PCDHB13: variants seen among roughly 807,000 people sequenced by gnomAD.
PCDHB13 encodes the protein protocadherin beta 13, also known as protocadherin beta-13.
For synonymous variants in PCDHB13, 515 were observed against 450.7 expected (o/e 1.14, Z -1.81); for missense variants, 1,065 against 1,016.7 (o/e 1.05, Z -0.65).
In PCDHB13 at chr5:141,214,366, G is replaced by A. The variant is rs1754524226; in HGVS notation, c.243G>A (p.Glu81=). 7.2e-7 allele frequency: 1 copy of A among 1,390,412 alleles called. No homozygotes were observed. Among genetic ancestry groups the A allele is most frequent in the South Asian group, 1.2e-5 (1 of 83,966 alleles). The allele number at this position is 1,390,412 out of a possible 1,614,324, so 86.1% of individuals were successfully genotyped here. A position where few individuals can be genotyped will look rare whatever the true frequency, so the allele number is the denominator to read the frequency against. The change falls in exon 1 of 1, where the codon GAG becomes GAA. Residue 81 remains glutamate (E), a synonymous_variant. Transcript: ENST00000341948. The stretch of plus-strand genomic sequence containing the variant: ...AACTACATTTGCAGCTCAATCAGGA[G>A]ACCGCGGATTTGTTGCTAAATGAGA... The part of the protein sequence containing the change: ...GNKLHLQLNQ[E]TADLLLNEKL...
At position 141,215,261 on chromosome 5, in the gene PCDHB13, G is replaced by T; in HGVS notation, c.1138G>T (p.Gly380Trp). ...SVSDLDSGEN[G>W]KISCSIQEDL... ...TTCAGATCTTGATTCAGGAGAAAAT[G>T]GGAAAATTAGTTGCTCCATTCAGGA... Residue 380 changes from glycine (G) to tryptophan (W), a missense_variant, in exon 1 of 1, where the codon GGG (glycine) becomes TGG (tryptophan). Coordinates refer to ENST00000341948, the MANE Select transcript of PCDHB13 (RefSeq NM_018933.4). 6.2e-7 allele frequency: 1 copy of T among 1,614,080 alleles called. No homozygotes were observed. The highest frequency in any genetic ancestry group is 1.1e-5 in the South Asian group (1 of 91,076).
chr5:141,215,527 G>A lies in PCDHB13; in HGVS notation c.1404G>A (p.Leu468=), dbSNP rs1754575503. 1 of 1,613,774 alleles carries A rather than the reference G, an allele frequency of 6.2e-7. No individual in the cohort carries two copies. ...LFVRENNSPA[L]HIRSVSATDR... ...TCCGCGAGAACAACAGCCCCGCCCT[G>A]CACATCCGCAGCGTCAGCGCTACAG... Residue 468 remains leucine (L), a synonymous_variant, in exon 1 of 1, where the codon CTG becomes CTA. Transcript: ENST00000341948.
Position 141,215,722 on chromosome 5 carries a change from T to C in PCDHB13, c.1599T>C (p.Ala533=), listed in dbSNP as rs147956420. 9,931 of 1,612,452 alleles carry C rather than the reference T, an allele frequency of 6.2e-3. 85 individuals are homozygous for C. The highest frequency in any genetic ancestry group is 0.027 in the South Asian group (2,497 of 90,996). The change falls in exon 1 of 1, where the codon GCT becomes GCC. Residue 533 remains alanine (A), a synonymous_variant. Coordinates refer to ENST00000341948, the MANE Select transcript of PCDHB13 (RefSeq NM_018933.4). ...AGGGGTTCCAGTTCCGCGTGGGCGC[T>C]TCAGACCACGGCTCCCCGGCGCTGA... The part of the protein sequence containing the change: ...ALQGFQFRVG[A]SDHGSPALSS...
Position 141,215,789 on chromosome 5 carries a change from G to T in PCDHB13, c.1666G>T (p.Asp556Tyr). ...GCGCGTGGTGGTGCTGGACGCCAAC[G>T]ACAACTCGCCCTTCGTGCTGTACCC... ...LVRVVVLDAN[D>Y]NSPFVLYPLQ... The change falls in exon 1 of 1, where the codon GAC (aspartate) becomes TAC (tyrosine). Residue 556 changes from aspartate (D) to tyrosine (Y), a missense_variant. Transcript: ENST00000341948. 1 of 1,611,662 alleles carries T rather than the reference G, an allele frequency of 6.2e-7. No homozygotes were observed. Among genetic ancestry groups the T allele is most frequent in the Non-Finnish European group, 8.5e-7 (1 of 1,179,694 alleles).
At position 141,215,589 on chromosome 5, in the gene PCDHB13, C is replaced by G. The variant is rs782771572; in HGVS notation, c.1466C>G (p.Ser489Trp). ...GGCACCAACGCCCAGGTCACCTACT[C>G]GCTGCTGCCGCCCCAGGACCCGCAC... ...DSGTNAQVTYSLLPPQDPHLP... is the reference protein window; with the variant it reads ...DSGTNAQVTYWLLPPQDPHLP... Residue 489 changes from serine (S) to tryptophan (W), a missense_variant, in exon 1 of 1, where the codon TCG becomes TGG. Transcript: ENST00000341948. The G allele has an allele frequency of 2.5e-6, 4 of 1,613,444 alleles. No homozygotes were observed. The highest frequency in any genetic ancestry group is 1.1e-5 in the South Asian group (1 of 91,050).
Position 141,216,818 on chromosome 5 carries a change from T to A in PCDHB13, c.*298T>A, listed in dbSNP as rs1445849001. 5 of 421,354 alleles carry A rather than the reference T, an allele frequency of 1.2e-5. No individual in the cohort carries two copies. Among genetic ancestry groups the A allele is most frequent in the Admixed American group, 4.2e-5 (1 of 23,788 alleles). 26.1% of individuals were successfully genotyped at this position (421,354 alleles called of 1,614,324 possible). On this transcript the variant is annotated 3_prime_UTR_variant, in exon 1 of 1. Coordinates refer to ENST00000341948, the MANE Select transcript of PCDHB13 (RefSeq NM_018933.4). Reference sequence around the variant, plus strand: ...TTTAGCTGAACTTCACCCACTATTATGCTTATGGTAAAATTAAATAGAGCA... The same window carrying A: ...TTTAGCTGAACTTCACCCACTATTAAGCTTATGGTAAAATTAAATAGAGCA...
chr5:141,215,416 G>A lies in PCDHB13; in HGVS notation c.1293G>A (p.Leu431=), dbSNP rs199921823. The part of the protein sequence containing the change: ...ITVTDLGTPM[L]ITQLNMTVLI... ...TCACTGACTTGGGGACCCCTATGCT[G>A]ATAACACAGCTCAATATGACCGTGC... is the stretch of plus-strand genomic sequence containing the variant. The change falls in exon 1 of 1, where the codon CTG becomes CTA. Residue 431 remains leucine, a synonymous_variant. Coordinates refer to ENST00000341948, the MANE Select transcript of PCDHB13 (RefSeq NM_018933.4). 6 of 1,614,160 alleles carry A rather than the reference G, an allele frequency of 3.7e-6. No homozygotes were observed. Among genetic ancestry groups the A allele is most frequent in the Non-Finnish European group, 5.1e-6 (6 of 1,180,038 alleles).
At position 141,215,201 on chromosome 5, in the gene PCDHB13, A is replaced by T; in HGVS notation, c.1078A>T (p.Asn360Tyr). Reference protein sequence around the residue: ...MSAFTSPIPENAPETVVALFS... With the variant: ...MSAFTSPIPEYAPETVVALFS... ...TGCATTTACCAGCCCAATACCTGAGAACGCGCCTGAAACTGTGGTTGCACT... is the reference window on the plus strand; with the variant it reads ...TGCATTTACCAGCCCAATACCTGAGTACGCGCCTGAAACTGTGGTTGCACT... Residue 360 changes from asparagine to tyrosine, a missense_variant, in exon 1 of 1, where the codon AAC (asparagine) becomes TAC (tyrosine). Coordinates refer to ENST00000341948, the MANE Select transcript of PCDHB13 (RefSeq NM_018933.4). 3 of 1,614,116 alleles carry T rather than the reference A, an allele frequency of 1.9e-6. No homozygotes were observed. The highest frequency in any genetic ancestry group is 1.3e-5 in the African/African-American group (1 of 75,010).
rs1488105597 is a variant in PCDHB13 at position 141,217,315 on chromosome 5, C to T, written c.*795C>T. The T allele has an allele frequency of 1.2e-5, 2 of 166,836 alleles. No homozygotes were observed. Among genetic ancestry groups the T allele is most frequent in the African/African-American group, 2.4e-5 (1 of 41,302 alleles). The allele number at this position is 166,836 out of a possible 1,614,324, so 10.3% of individuals were successfully genotyped here. ...TATCATATAATTTAATGTATATACA[C>T]CAGAAACTATTTTTCAAACTTTTTT... On this transcript the variant is annotated 3_prime_UTR_variant, in exon 1 of 1. Transcript: ENST00000341948.
Position 141,214,369 on chromosome 5 carries a change from C to T in PCDHB13, c.246C>T (p.Thr82=), listed in dbSNP as rs782767941. The T allele has an allele frequency of 2.8e-5, 39 of 1,387,268 alleles. No individual in the cohort carries two copies. The South Asian group carries it at 3.9e-4, about 14-fold the overall frequency. The allele number at this position is 1,387,268 out of a possible 1,614,324, so 85.9% of individuals were successfully genotyped here. The change falls in exon 1 of 1, where the codon ACC becomes ACT. Residue 82 remains threonine (T), a synonymous_variant. Transcript: ENST00000341948. ...NKLHLQLNQE[T]ADLLLNEKLD... is the part of the protein sequence containing the mutation. ...TACATTTGCAGCTCAATCAGGAGAC[C>T]GCGGATTTGTTGCTAAATGAGAAAT...
rs782023497 is a variant in PCDHB13, at chr5:141,216,182, A to T, written c.2059A>T (p.Thr687Ser). The change falls in exon 1 of 1, where the codon ACC becomes TCC. Residue 687 changes from threonine to serine, a missense_variant. Transcript: ENST00000341948. ...GACCCAGGCCCAGGCCGACTTGCTC[A>T]CCGTCTACCTGGTGGTGGCGTTGGC... The part of the protein sequence containing the change: ...APTQAQADLL[T>S]VYLVVALASV... The T allele has an allele frequency of 3.4e-5, 55 of 1,612,278 alleles. No individual in the cohort carries two copies. The highest frequency in any genetic ancestry group is 4.5e-5 in the Non-Finnish European group (53 of 1,179,844).
Position 141,214,577 on chromosome 5 carries a change from A to G in PCDHB13, c.454A>G (p.Thr152Ala), listed in dbSNP as rs2860678. The G allele has an allele frequency of 8.5e-4, 1,369 of 1,611,038 alleles. 3 individuals carry two copies. The African/African-American group carries it at 9.2e-3, about 11-fold the overall frequency. Residue 152 changes from threonine (T) to alanine (A), a missense_variant, in exon 1 of 1, where the codon ACG (threonine) becomes GCG (alanine). Thr to Ala is a moderately conservative substitution (Grantham distance 58, BLOSUM62 0). Coordinates refer to ENST00000341948, the MANE Select transcript of PCDHB13 (RefSeq NM_018933.4). Reference sequence around the variant, plus strand: ...ATCAGAGAGCAGTCCTCCTGGGACTACGTTTCCTCTGAAGAATGCCGAAGA... The same window carrying G: ...ATCAGAGAGCAGTCCTCCTGGGACTGCGTTTCCTCTGAAGAATGCCGAAGA... ...KVSESSPPGT[T>A]FPLKNAEDLD...
Position 141,216,020 on chromosome 5 carries a change from C to G in PCDHB13, c.1897C>G (p.Arg633Gly), listed in dbSNP as rs782763567. Reference sequence around the variant, plus strand: ...GCGCACCGCCAGGCTGCTGAGCGAGCGCGACGCGGCCAAGCACAGGCTGGT... The same window carrying G: ...GCGCACCGCCAGGCTGCTGAGCGAGGGCGACGCGGCCAAGCACAGGCTGGT... ...EVRTARLLSE[R>G]DAAKHRLVVL... Residue 633 changes from arginine to glycine, a missense_variant, in exon 1 of 1, where the codon CGC becomes GGC. Arg to Gly is a moderately radical substitution (Grantham distance 125). Coordinates refer to ENST00000341948, the MANE Select transcript of PCDHB13 (RefSeq NM_018933.4). 3 of 1,606,950 alleles carry G rather than the reference C, an allele frequency of 1.9e-6. No homozygotes were observed. The highest frequency in any genetic ancestry group is 2.2e-5 in the South Asian group (2 of 90,914).
Position 141,215,462 on chromosome 5 carries a change from A to T in PCDHB13, c.1339A>T (p.Asn447Tyr). 2 of 1,614,112 alleles carry T rather than the reference A, an allele frequency of 1.2e-6. No homozygotes were observed. The highest frequency in any genetic ancestry group is 1.7e-6 in the Non-Finnish European group (2 of 1,180,014). Reference protein sequence around the residue: ...MTVLIADVNDNAPAFTQTSYT... With the variant: ...MTVLIADVNDYAPAFTQTSYT... ...CGTGCTGATCGCCGATGTCAATGAC[A>T]ACGCTCCCGCCTTCACCCAAACCTC... Residue 447 changes from asparagine to tyrosine, a missense_variant, in exon 1 of 1, where the codon AAC becomes TAC. Asn to Tyr is a moderately radical substitution (Grantham distance 143, BLOSUM62 -2). Transcript: ENST00000341948.
At position 141,218,797 on chromosome 5, in the gene PCDHB13, G is replaced by A. The variant is rs539310777; in HGVS notation, c.*2277G>A. On this transcript the variant is annotated 3_prime_UTR_variant, in exon 1 of 1. Coordinates refer to ENST00000341948, the MANE Select transcript of PCDHB13 (RefSeq NM_018933.4). The stretch of plus-strand genomic sequence containing the variant: ...TTAAAAAAAATTTTTGTAGAGATGG[G>A]TTCTCATCATGTCGCCCAGGCTGTT... The A allele has an allele frequency of 4.2e-5, 7 of 166,946 alleles. No individual in the cohort carries two copies. The highest frequency in any genetic ancestry group is 1.0e-4 in the Non-Finnish European group (7 of 68,120). 10.3% of individuals were successfully genotyped at this position (166,946 alleles called of 1,614,324 possible).
At position 141,216,467 on chromosome 5, in the gene PCDHB13, G is replaced by T. The variant is rs138168445; in HGVS notation, c.2344G>T (p.Glu782Ter). 2.8e-4 allele frequency: 453 copies of T among 1,613,992 alleles called. No individual in the cohort carries two copies. Among genetic ancestry groups the T allele is most frequent in the Non-Finnish European group, 3.3e-4 (385 of 1,179,984 alleles). Residue 782 changes from glutamate to a stop codon, truncating the protein, a stop_gained, in exon 1 of 1, where the codon GAA becomes TAA. Coordinates refer to ENST00000341948, the MANE Select transcript of PCDHB13 (RefSeq NM_018933.4). LOFTEE classifies it low-confidence loss of function (END_TRUNC). ...PNFPPQCPGK[E>*]IQGNSTFPNN... ...CTTCCCTCCCCAGTGCCCTGGGAAA[G>T]AAATACAAGGAAATTCTACCTTCCC...
At position 141,215,572 on chromosome 5, in the gene PCDHB13, C is replaced by T. The variant is rs782266868; in HGVS notation, c.1449C>T (p.Asn483=). 3.7e-6 allele frequency: 6 copies of T among 1,613,572 alleles called. No individual in the cohort carries two copies. Among genetic ancestry groups the T allele is most frequent in the Non-Finnish European group, 5.1e-6 (6 of 1,179,988 alleles). The part of the protein sequence containing the change: ...VSATDRDSGT[N]AQVTYSLLPP... ...CTACAGACAGAGACTCAGGCACCAA[C>T]GCCCAGGTCACCTACTCGCTGCTGC... The change falls in exon 1 of 1, where the codon AAC becomes AAT. Residue 483 remains asparagine, a synonymous_variant. Coordinates refer to ENST00000341948, the MANE Select transcript of PCDHB13 (RefSeq NM_018933.4).
At position 141,216,615 on chromosome 5, in the gene PCDHB13, C is replaced by A; in HGVS notation, c.*95C>A. 1 of 1,048,978 alleles carries A rather than the reference C, an allele frequency of 9.5e-7. No homozygotes were observed. The highest frequency in any genetic ancestry group is 1.5e-6 in the Non-Finnish European group (1 of 664,466). The allele number at this position is 1,048,978 out of a possible 1,614,324, so 65.0% of individuals were successfully genotyped here. On this transcript the variant is annotated 3_prime_UTR_variant, in exon 1 of 1. Coordinates refer to ENST00000341948, the MANE Select transcript of PCDHB13 (RefSeq NM_018933.4). ...CAATTTGTGTGTATGTAATATTGTA[C>A]GGATTTACTCTTGATTTTTCTCATG...
In PCDHB13 at chr5:141,216,022, C is replaced by T. The variant is rs376579786; in HGVS notation, c.1899C>T (p.Arg633=). 4 of 1,607,020 alleles carry T rather than the reference C, an allele frequency of 2.5e-6. No homozygotes were observed. The highest frequency in any genetic ancestry group is 3.4e-6 in the Non-Finnish European group (4 of 1,179,546). Residue 633 remains arginine, a synonymous_variant, in exon 1 of 1, where the codon CGC becomes CGT. Coordinates refer to ENST00000341948, the MANE Select transcript of PCDHB13 (RefSeq NM_018933.4). ...GCACCGCCAGGCTGCTGAGCGAGCG[C>T]GACGCGGCCAAGCACAGGCTGGTGG... ...EVRTARLLSE[R]DAAKHRLVVL...
Sources: allele counts gnomAD v4.1 joint callset, GRCh38; gene constraint gnomAD v4.1.1; transcripts MANE v1.5; gene names NCBI Gene and HGNC (gene_info 2026-07-23, HGNC 2026-07-21).